Variants in FCHO1 observed in about 807,000 individuals in gnomAD.
FCHO1 encodes F-BAR domain only protein 1.
In FCHO1, 45 loss-of-function variants were observed where a neutral mutation model predicts 114.4. The ratio of observed to expected loss-of-function variants is 0.39; its 90% CI spans 0.31 to 0.50. The LOEUF (loss-of-function observed/expected upper bound fraction) is 0.50. Ranked by LOEUF, FCHO1 falls within the 20% of genes least tolerant of loss-of-function variation. The pLI is 0.77. For missense variants in FCHO1, 1,042 were observed against 1,209.6 expected (o/e 0.86, Z 2.06); for synonymous variants, 480 against 488.9 (o/e 0.98, Z 0.24).
chr19:17,769,650 AAC>A (rs778296162), intron 7 of FCHO1, among the ~76,000 whole-genome samples: 6 of 151,208 alleles, frequency 4.0e-5, no homozygotes, highest in Non-Finnish European at 8.8e-5. Flanking sequence ...TGAGTTAAGC[AAC>A]ACAGTCTGCC....
In FCHO1 at chr19:17,769,652, C is replaced by CACAGTCTG. The variant is rs1192988583; in HGVS notation, c.337-772_337-765dup. ...ACACACAAAACGGTGAGTTAAGCAA[C>CACAGTCTG]ACAGTCTGCCACTGTTTGTCATAAA... On this transcript the variant is annotated intron_variant, in intron 7 of 28. Transcript: ENST00000596536. Among the ~76,000 whole-genome samples, 13 of 151,954 alleles carry CACAGTCTG rather than the reference C, an allele frequency of 8.6e-5. No homozygotes were observed. In the South Asian group the frequency reaches 2.3e-3, roughly 27 times the overall value.
chr19:17,749,063 G>A (rs2146075264), upstream of FCHO1, among the ~76,000 whole-genome samples: 1 of 152,262 alleles, frequency 6.6e-6, no homozygotes, highest in Non-Finnish European at 1.5e-5. Context: ...TGGCTGGGAT[G>A]GGGCATCGCC....
At chr19:17,765,305 G>C (rs2088435464) in intron 6 of FCHO1, among the ~76,000 whole-genome samples, 3 of 152,100 alleles carry the variant, frequency 2.0e-5, no homozygotes, top group Non-Finnish European at 4.4e-5. Flanking sequence ...GCAGGGCTTG[G>C]GCAACGTGGA....
chr19:17,760,365 A>G (rs563001406), intron 4 of FCHO1, among the ~76,000 whole-genome samples: 61 of 151,666 alleles, frequency 4.0e-4, no homozygotes, highest in Non-Finnish European at 8.0e-4. Flanking sequence ...TACCATTTTT[A>G]ATGGACAGCT....
chr19:17,782,713 T>C (rs1267881861), intron 23 of FCHO1, among the ~76,000 whole-genome samples: 1 of 152,018 alleles, frequency 6.6e-6, no homozygotes, highest in East Asian at 1.9e-4. Flanking sequence ...GAGTGTCAGA[T>C]CAAAAACCCA....
At chr19:17,749,660 T>C (rs947303526), upstream of FCHO1, among the ~76,000 whole-genome samples, 19 of 152,128 alleles carry the variant, frequency 1.2e-4, no homozygotes, top group African/African-American at 4.3e-4. Context: ...CTGTGTGACC[T>C]GGGGCACGTG....
At position 17,784,286 on chromosome 19, in the gene FCHO1, T is replaced by G. The variant is rs1599786085; in HGVS notation, c.2226+51T>G. Reference sequence around the variant, plus strand: ...GGAGGTGGTGGAGTGGGGGACACGGTGAGCCGGCAGCAGACATGGAGGCGC... The same window carrying G: ...GGAGGTGGTGGAGTGGGGGACACGGGGAGCCGGCAGCAGACATGGAGGCGC... On this transcript the variant is annotated intron_variant, in intron 25 of 28. Transcript: ENST00000596536. The surrounding 1 kb of genome is among the most constrained non-coding windows in gnomAD (Gnocchi z 5.3). 6.5e-7 allele frequency: 1 copy of G among 1,549,112 alleles called. No homozygotes were observed. The highest frequency in any genetic ancestry group is 2.4e-5 in the East Asian group (1 of 41,164).
chr19:17,775,024 G>C lies in FCHO1; in HGVS notation c.921-32G>C. 1 of 1,613,292 alleles carries C rather than the reference G, an allele frequency of 6.2e-7. No individual in the cohort carries two copies. The highest frequency in any genetic ancestry group is 8.5e-7 in the Non-Finnish European group (1 of 1,179,716). ...AGGGGGCACCAGATGGGCTGCGGAA[G>C]CTGACACCAACATCTCTTCCTCCAT... On this transcript the variant is annotated intron_variant, in intron 13 of 28. Transcript: ENST00000596536. The surrounding 1 kb of genome is among the most constrained non-coding windows in gnomAD (Gnocchi z 5.1).
chr19:17,762,659 A>T, intron 4 of FCHO1, 103 bp from the exon 5 acceptor site: 2 of 851,720 alleles, frequency 2.3e-6, no homozygotes, highest in Admixed American at 3.4e-5. Context: ...ACAAGTCCCT[A>T]CAGCCAAGGG....
chr19:17,785,942 C>T (rs768870494), intron 26 of FCHO1, among the ~76,000 whole-genome samples: 18 of 151,098 alleles, frequency 1.2e-4, no homozygotes, highest in Non-Finnish European at 2.5e-4. Context: ...CAAGGAGTTA[C>T]CCTGGGTGAC....
At chr19:17,769,654 C>G (rs576462611) in intron 7 of FCHO1, among the ~76,000 whole-genome samples, 1 of 151,990 alleles carries the variant, frequency 6.6e-6, no homozygotes, top group South Asian at 2.1e-4. Flanking sequence ...TTAAGCAACA[C>G]AGTCTGCCAC....
chr19:17,768,721 AAAG>A (rs78121097), intron 7 of FCHO1, among the ~76,000 whole-genome samples: 2 of 125,206 alleles, frequency 1.6e-5, no homozygotes, highest in African/African-American at 5.7e-5. Flanking sequence ...AAAAAAAAAA[AAAG>A]GAGAGAGAGA....
At position 17,788,418 on chromosome 19, in the gene FCHO1, A is replaced by T; in HGVS notation, c.*112A>T. 1 of 790,862 alleles carries T rather than the reference A, an allele frequency of 1.3e-6. No individual in the cohort carries two copies. The highest frequency in any genetic ancestry group is 2.1e-6 in the Non-Finnish European group (1 of 474,464). 49.0% of individuals were successfully genotyped at this position (790,862 alleles called of 1,614,324 possible). A position where few individuals can be genotyped will look rare whatever the true frequency, so the allele number is the denominator to read the frequency against. On this transcript the variant is annotated 3_prime_UTR_variant, in exon 29 of 29. Transcript: ENST00000596536. Reference sequence around the variant, plus strand: ...CCACCCCAGCCTCCCTGAGGCCCATACTCCACGGAGAGGAGCCCCATGCCC... The same window carrying T: ...CCACCCCAGCCTCCCTGAGGCCCATTCTCCACGGAGAGGAGCCCCATGCCC...
rs1202317724 is a variant in FCHO1 at position 17,776,773 on chromosome 19, C to T, written c.1259+87C>T. The T allele has an allele frequency of 8.5e-6, 11 of 1,293,020 alleles. No homozygotes were observed. Among genetic ancestry groups the T allele is most frequent in the East Asian group, 2.3e-5 (1 of 42,704 alleles). The allele number at this position is 1,293,020 out of a possible 1,614,324, so 80.1% of individuals were successfully genotyped here. A position where few individuals can be genotyped will look rare whatever the true frequency, so the allele number is the denominator to read the frequency against. ...GTCTCCGCCTGGTGTTCTCTTGTCC[C>T]GGCTGGGAGTTGACGTCATGCTGGG... is the stretch of plus-strand genomic sequence containing the variant. On this transcript the variant is annotated intron_variant, in intron 18 of 28. Coordinates refer to ENST00000596536, the MANE Select transcript of FCHO1 (RefSeq NM_015122.3). This position sits in a 1 kb window ranked among gnomAD's most constrained non-coding sequence, Gnocchi z 4.4.
chr19:17,769,633 A>G (rs1297094212), intron 7 of FCHO1, among the ~76,000 whole-genome samples: 1 of 143,366 alleles, frequency 7.0e-6, no homozygotes. Flanking sequence ...ACACACACAC[A>G]AAACGGTGAG....
chr19:17,782,571 A>G (rs2093523122), intron 23 of FCHO1, among the ~76,000 whole-genome samples: 1 of 152,148 alleles, frequency 6.6e-6, no homozygotes, highest in African/African-American at 2.4e-5. Context: ...CATTAAGATG[A>G]AGGGAGTAAT....
chr19:17,755,061 C>T, intron 3 of FCHO1, 57 bp from the exon 4 acceptor site: 3 of 1,108,618 alleles, frequency 2.7e-6, no homozygotes, highest in Non-Finnish European at 4.2e-6. Context: ...GGGACTTTCC[C>T]CCCACCAAGC....
intron 4 of FCHO1, chr19:17,755,461 T>C (rs899252996): frequency 3.0e-6 from 1 of 332,104 alleles, no homozygotes; most frequent in Non-Finnish European, 5.6e-6. Flanking sequence ...AGTTGCCCCA[T>C]GAAAAAGTGC....
Position 17,775,600 on chromosome 19 carries a change from C to G in FCHO1, c.1003+87C>G. 2.4e-6 allele frequency: 3 copies of G among 1,227,302 alleles called. No individual in the cohort carries two copies. Among genetic ancestry groups the G allele is most frequent in the Non-Finnish European group, 3.6e-6 (3 of 829,486 alleles). The allele number at this position is 1,227,302 out of a possible 1,614,324, so 76.0% of individuals were successfully genotyped here. ...TAACCAGTCCACCTTCAGCAGTCCT[C>G]TCTGTGTACATCCTGGAGAGAGTCT... is the stretch of plus-strand genomic sequence containing the variant. On this transcript the variant is annotated intron_variant, in intron 15 of 28. Transcript: ENST00000596536. The surrounding 1 kb of genome is among the most constrained non-coding windows in gnomAD (Gnocchi z 5.1).
Sources: allele counts gnomAD v4.1 joint callset (sites outside exome capture counted in the v4.1 genomes callset), GRCh38; gene constraint gnomAD v4.1.1; non-coding constraint Gnocchi (gnomAD v3.1); transcripts MANE v1.5; gene names NCBI Gene and HGNC (gene_info 2026-07-23, HGNC 2026-07-21).